Variants in WNT7B observed in about 807,000 individuals in gnomAD.
WNT7B encodes the protein protein Wnt-7b.
In WNT7B, 19 loss-of-function variants were observed where a neutral mutation model predicts 38.2. The ratio of observed to expected loss-of-function variants is 0.50; its 90% CI spans 0.35 to 0.73. The LOEUF is 0.73. WNT7B is among the 30% of genes least tolerant of loss of function. The pLI is 0.01. For synonymous variants in WNT7B, 243 were observed against 209.3 expected (o/e 1.16, Z -1.39); for missense variants, 423 against 507.9 (o/e 0.83, Z 1.61).
At chr22:45,926,981 A>AC in intron 3 of WNT7B, 1 of 985,190 alleles carries the variant, frequency 1.0e-6, no homozygotes, top group Non-Finnish European at 1.2e-6. Flanking sequence ...GGGGGTTCCC[A>AC]CCCCCTGGCT....
intron 1 of WNT7B, among the ~76,000 whole-genome samples, chr22:45,960,098 G>A (rs1003648190): frequency 6.6e-6 from 1 of 152,168 alleles, no homozygotes; most frequent in African/African-American, 2.4e-5. Flanking sequence ...GCGCCACCCT[G>A]ACACCAGCAG....
intron 1 of WNT7B, among the ~76,000 whole-genome samples, chr22:45,962,440 C>A (rs528285379): frequency 1.3e-5 from 2 of 152,310 alleles, no homozygotes; most frequent in South Asian, 4.2e-4. Flanking sequence ...CATACTGGAC[C>A]AGCTCCTCCC....
chr22:45,973,914 G>GGGGGAATGCAGCAT (rs1932502450), intron 1 of WNT7B, among the ~76,000 whole-genome samples: 1 of 152,054 alleles, frequency 6.6e-6, no homozygotes, highest in African/African-American at 2.4e-5. Context: ...ATTAAACACA[G>GGGGGAATGCAGCAT]GCAGCATGCA....
In WNT7B at chr22:45,925,633, T is replaced by C. The variant is rs564517754; in HGVS notation, c.571-2298A>G. 316 of 985,216 alleles carry C rather than the reference T, an allele frequency of 3.2e-4. No homozygotes were observed. The African/African-American group carries it at 5.3e-3, about 17-fold the overall frequency. The allele number at this position is 985,216 out of a possible 1,614,324, so 61.0% of individuals were successfully genotyped here. On this transcript the variant is annotated intron_variant, in intron 3 of 3. Transcript: ENST00000339464. ...CCCTGTTCATCTCTGCTGGGATCTG[T>C]CCCCTCCTGGAAAAGCCCTTCCCTC...
At chr22:45,970,239 C>G (rs934683455) in intron 1 of WNT7B, among the ~76,000 whole-genome samples, 1 of 152,214 alleles carries the variant, frequency 6.6e-6, no homozygotes, top group East Asian at 1.9e-4. Context: ...GTCTGCCTTC[C>G]TGTCCCCGAC....
rs542336315 is a variant in WNT7B, at chr22:45,922,773, G to A, written c.*83C>T. 12 of 1,532,934 alleles carry A rather than the reference G, an allele frequency of 7.8e-6. No homozygotes were observed. In the South Asian group the frequency reaches 1.4e-4, roughly 18 times the overall value. 95.0% of individuals were successfully genotyped at this position (1,532,934 alleles called of 1,614,324 possible). On this transcript the variant is annotated 3_prime_UTR_variant, in exon 4 of 4. Transcript: ENST00000339464. ...CACCCGTCTATGTCTGCTGCTGGCA[G>A]CACCAAGGCAGGGAAGGTGAGGAGT...
At position 45,976,762 on chromosome 22, in the gene WNT7B, G is replaced by T; in HGVS notation, c.-8C>A. The T allele has an allele frequency of 6.2e-7, 1 of 1,605,326 alleles. No individual in the cohort carries two copies. Among genetic ancestry groups the T allele is most frequent in the Non-Finnish European group, 8.5e-7 (1 of 1,175,082 alleles). ...GCGAAAGTTTCTGTGCATGATCCAGGGAGGGGGGCTGCGCCATAGACAGCG... is the reference window on the plus strand; with the variant it reads ...GCGAAAGTTTCTGTGCATGATCCAGTGAGGGGGGCTGCGCCATAGACAGCG... On this transcript the variant is annotated 5_prime_UTR_variant, in exon 1 of 4. Transcript: ENST00000339464. This position sits in a 1 kb window ranked among gnomAD's most constrained non-coding sequence, Gnocchi z 8.5.
chr22:45,944,977 TC>T (rs771470377), intron 2 of WNT7B, among the ~76,000 whole-genome samples: 5 of 152,158 alleles, frequency 3.3e-5, no homozygotes, highest in African/African-American at 1.2e-4. Flanking sequence ...CCCCCTCCTG[TC>T]CCCTATGGGT....
chr22:45,942,922 G>C (rs28450198), intron 2 of WNT7B, among the ~76,000 whole-genome samples: 1 of 149,286 alleles, frequency 6.7e-6, no homozygotes, highest in Non-Finnish European at 1.5e-5. Context: ...CAGTGTGCAC[G>C]TGTGTGCATG....
chr22:45,928,499 C>A (rs900748872), intron 3 of WNT7B, among the ~76,000 whole-genome samples: 12 of 150,538 alleles, frequency 8.0e-5, no homozygotes, highest in Admixed American at 7.2e-4. Context: ...CAGGGCCCCA[C>A]CGGCCATCCG....
At chr22:45,932,884 G>C (rs1372886053) in intron 2 of WNT7B, among the ~76,000 whole-genome samples, 9 of 152,252 alleles carry the variant, frequency 5.9e-5, no homozygotes, top group Non-Finnish European at 1.3e-4. Context: ...CACCTGCACA[G>C]CCCTCAGTTG....
chr22:45,926,734 G>A (rs574722761), intron 3 of WNT7B: 1 of 985,346 alleles, frequency 1.0e-6, no homozygotes, highest in Non-Finnish European at 1.2e-6. Flanking sequence ...AGCCCCTCAG[G>A]GACACAGCAC....
intron 2 of WNT7B, chr22:45,936,143 C>T: frequency 1.0e-6 from 1 of 985,440 alleles, no homozygotes; most frequent in Non-Finnish European, 1.2e-6. Context: ...AGGTTCCAGC[C>T]CTGCGGCAGG....
At chr22:45,925,972 C>T in intron 3 of WNT7B, 1 of 943,264 alleles carries the variant, frequency 1.1e-6, no homozygotes, top group Non-Finnish European at 1.3e-6. Context: ...CCCTCCCCCT[C>T]CTCCCTCCCC....
At chr22:45,933,256 G>C (rs961721365) in intron 2 of WNT7B, among the ~76,000 whole-genome samples, 3 of 152,164 alleles carry the variant, frequency 2.0e-5, no homozygotes, top group Non-Finnish European at 2.9e-5. Flanking sequence ...TCCCTCCCCA[G>C]CAAGGTCCGA....
At chr22:45,958,964 C>T (rs1222521439) in intron 1 of WNT7B, among the ~76,000 whole-genome samples, 1 of 152,204 alleles carries the variant, frequency 6.6e-6, no homozygotes, top group African/African-American at 2.4e-5. Context: ...AGGCTCCAGA[C>T]TGAGTCACGG....
chr22:45,937,236 C>T (rs1334956557), intron 2 of WNT7B, among the ~76,000 whole-genome samples: 1 of 152,186 alleles, frequency 6.6e-6, no homozygotes, highest in Non-Finnish European at 1.5e-5. Flanking sequence ...ACATGAGGTT[C>T]TCAAGTGACT....
intron 2 of WNT7B, among the ~76,000 whole-genome samples, chr22:45,942,962 T>C (rs1414365184): frequency 6.8e-6 from 1 of 148,038 alleles, no homozygotes. Flanking sequence ...GCAGTGTGCA[T>C]GTGTGTGTGC....
chr22:45,943,695 G>C (rs1160416631), intron 2 of WNT7B, among the ~76,000 whole-genome samples: 1 of 152,232 alleles, frequency 6.6e-6, no homozygotes, highest in African/African-American at 2.4e-5. Flanking sequence ...CCTTGGGTAA[G>C]CCACATGGTC....
Sources: gnomAD v4.1 joint callset for allele counts (sites outside exome capture counted in the v4.1 genomes callset) on GRCh38, gnomAD v4.1.1 for gene constraint, Gnocchi (gnomAD v3.1) non-coding constraint, MANE v1.5 for transcripts, NCBI Gene and HGNC (gene_info 2026-07-23, HGNC 2026-07-21) for gene names.